Variants in DOCK7 observed in about 807,000 individuals in gnomAD.
The protein encoded by DOCK7 is dedicator of cytokinesis 7.
Under a neutral mutation model 271.0 loss-of-function variants are expected in DOCK7, and 138 were observed. The observed-to-expected ratio is 0.51, with a 90% confidence interval of 0.44 to 0.59. The LOEUF is 0.59. DOCK7 is among the 20% of genes least tolerant of loss of function. DOCK7 has a pLI of 0.00. For missense variants in DOCK7, 2,066 were observed against 2,592.4 expected (o/e 0.80, Z 4.41); for synonymous variants, 823 against 876.1 (o/e 0.94, Z 1.07).
intron 16 of DOCK7, among the ~76,000 whole-genome samples, chr1:62,579,695 G>GAAAAAAAAAA (rs34924913): frequency 1.6e-5 from 1 of 63,888 alleles, no homozygotes. Flanking sequence ...GAGTGAGACC[G>GAAAAAAAAAA]AAAAAAAAAA....
intron 14 of DOCK7, chr1:62,608,466 A>G (rs1335099623): frequency 6.6e-6 from 1 of 152,212 alleles, no homozygotes; most frequent in Non-Finnish European, 1.5e-5. Flanking sequence ...AGATATCTCA[A>G]TTCTTCCACA....
intron 34 of DOCK7, among the ~76,000 whole-genome samples, chr1:62,509,041 T>C (rs1470735307): frequency 6.6e-6 from 1 of 152,068 alleles, no homozygotes; most frequent in African/African-American, 2.4e-5. Context: ...ACTTCATTAA[T>C]TTACAGTTTA....
chr1:62,477,745 C>T lies in DOCK7; in HGVS notation c.5589G>A (p.Lys1863=), dbSNP rs1646007549. Reference sequence around the variant, plus strand: ...CTGCAAGTTTGGTTATTGCAGGCTCCTTGTAAACAAATTCTTGTTCATCCA... The same window carrying T: ...CTGCAAGTTTGGTTATTGCAGGCTCTTTGTAAACAAATTCTTGTTCATCCA... The part of the protein sequence containing the change: ...GDLDEQEFVY[K]EPAITKLAEI... The change falls in exon 44 of 50, where the codon AAG becomes AAA. Residue 1863 remains lysine, a synonymous_variant. Transcript: ENST00000635253. 6.2e-7 allele frequency: 1 copy of T among 1,610,680 alleles called. No homozygotes were observed. The highest frequency in any genetic ancestry group is 8.5e-7 in the Non-Finnish European group (1 of 1,179,072).
intron 18 of DOCK7, among the ~76,000 whole-genome samples, chr1:62,564,607 C>A (rs1027502562): frequency 1.3e-5 from 2 of 152,032 alleles, no homozygotes; most frequent in Admixed American, 6.6e-5. Flanking sequence ...CAGGAAAGAT[C>A]TAAAATTGAC....
At chr1:62,625,186 T>G in intron 12 of DOCK7, 73 bp downstream of exon 12, 2 of 1,511,516 alleles carry the variant, frequency 1.3e-6, no homozygotes, top group Non-Finnish European at 1.8e-6. Flanking sequence ...TATAGTACAA[T>G]CACTACCTTT....
At chr1:62,640,242 G>A (rs1043818163) in intron 7 of DOCK7, among the ~76,000 whole-genome samples, 4 of 152,174 alleles carry the variant, frequency 2.6e-5, no homozygotes, top group East Asian at 1.9e-4. Flanking sequence ...GGCTGGGCAC[G>A]GTGGCTCACT....
At chr1:62,662,578 T>C (rs752349628) in intron 2 of DOCK7, among the ~76,000 whole-genome samples, 4 of 152,032 alleles carry the variant, frequency 2.6e-5, no homozygotes, top group Non-Finnish European at 4.4e-5. Flanking sequence ...CTGGCCAATA[T>C]GGTAAAACCT....
chr1:62,630,867 G>A (rs888608428), intron 11 of DOCK7, among the ~76,000 whole-genome samples: 7 of 151,944 alleles, frequency 4.6e-5, no homozygotes, highest in African/African-American at 1.5e-4. Flanking sequence ...ACATTGCAGA[G>A]TCTACAAATG....
At chr1:62,634,512 T>A (rs889329184) in intron 9 of DOCK7, 3 of 243,928 alleles carry the variant, frequency 1.2e-5, no homozygotes, top group Non-Finnish European at 2.3e-5. Context: ...GATATGAAAA[T>A]GTATTTATAA....
At chr1:62,457,291 T>C (rs1431348421) in intron 49 of DOCK7, among the ~76,000 whole-genome samples, 1 of 152,208 alleles carries the variant, frequency 6.6e-6, no homozygotes, top group Non-Finnish European at 1.5e-5. Flanking sequence ...AATGTTCCAA[T>C]ATCAGAGACT....
chr1:62,606,185 C>A (rs1429597192), intron 14 of DOCK7: 2 of 151,748 alleles, frequency 1.3e-5, no homozygotes, highest in African/African-American at 4.8e-5. Context: ...ACTAAGCTGT[C>A]GAAATTAACG....
chr1:62,519,006 T>TACACACACACACACACACAC (rs61224578), intron 31 of DOCK7, among the ~76,000 whole-genome samples: 6 of 148,130 alleles, frequency 4.1e-5, no homozygotes, highest in African/African-American at 1.2e-4. Flanking sequence ...AGTCATGCTA[T>TACACACACACACACACACAC]ACACACACAC....
At chr1:62,595,625 A>T (rs576267730) in intron 14 of DOCK7, among the ~76,000 whole-genome samples, 2 of 152,308 alleles carry the variant, frequency 1.3e-5, no homozygotes, top group East Asian at 3.9e-4. Flanking sequence ...ATGAAGAGGC[A>T]TTTCTAAGAA....
intron 14 of DOCK7, among the ~76,000 whole-genome samples, chr1:62,592,943 C>T (rs1285821965): frequency 1.3e-5 from 2 of 152,112 alleles, no homozygotes; most frequent in Non-Finnish European, 2.9e-5. Context: ...ATTTTCTATA[C>T]ATACTGTTTA....
intron 35 of DOCK7, among the ~76,000 whole-genome samples, chr1:62,506,157 T>C (rs912346004): frequency 2.0e-5 from 3 of 152,038 alleles, no homozygotes; most frequent in South Asian, 4.1e-4. Flanking sequence ...GGCTGAAAAA[T>C]TGAGTGGTGC....
At chr1:62,625,433 CA>C (rs1291716315) in intron 11 of DOCK7, 32 bp from the exon 12 acceptor site, 27 of 1,563,852 alleles carry the variant, frequency 1.7e-5, no homozygotes, top group Non-Finnish European at 2.2e-5. Flanking sequence ...AATTCATTTT[CA>C]TAGAAGTTAA....
In DOCK7 at chr1:62,648,492, C is replaced by T; in HGVS notation, c.442G>A (p.Glu148Lys). The change falls in exon 5 of 50, where the codon GAA becomes AAA. Residue 148 changes from glutamate to lysine, a missense_variant. By Grantham distance (56) the Glu-to-Lys change is moderately conservative. Around this residue, in one of 2 missense-constraint regions of DOCK7, gnomAD observed 1,414 missense variants for 1,670.4 expected, o/e 0.85. Transcript: ENST00000635253. Reference sequence around the variant, plus strand: ...TGTTTTGGCAAACCTTTTTGCCTTTCTTTCTGTTTATCTAATGTATTGGGA... The same window carrying T: ...TGTTTTGGCAAACCTTTTTGCCTTTTTTTCTGTTTATCTAATGTATTGGGA... ...FNPNTLDKQK[E>K]RQKGLPKQVF... is the part of the protein sequence containing the mutation. 5.3e-6 allele frequency: 8 copies of T among 1,510,188 alleles called. No individual in the cohort carries two copies. The highest frequency in any genetic ancestry group is 7.1e-6 in the Non-Finnish European group (8 of 1,120,194). The allele number at this position is 1,510,188 out of a possible 1,614,324, so 93.5% of individuals were successfully genotyped here. A position where few individuals can be genotyped will look rare whatever the true frequency, so the allele number is the denominator to read the frequency against.
intron 44 of DOCK7, among the ~76,000 whole-genome samples, chr1:62,476,699 A>T (rs567316671): frequency 7.3e-4 from 111 of 152,324 alleles, no homozygotes; most frequent in African/African-American, 2.6e-3. Context: ...TGACTACTCC[A>T]TATGACACTG....
At chr1:62,607,100 A>C (rs1651109182) in intron 14 of DOCK7, among the ~76,000 whole-genome samples, 1 of 151,986 alleles carries the variant, frequency 6.6e-6, no homozygotes, top group Non-Finnish European at 1.5e-5. Context: ...CAGCTACTCA[A>C]GAGGCTGAGA....
Sources: gnomAD v4.1 joint callset for allele counts (sites outside exome capture counted in the v4.1 genomes callset) on GRCh38, gnomAD v4.1.1 for gene constraint, gnomAD v4.1.1 regional missense constraint, MANE v1.5 for transcripts, NCBI Gene and HGNC (gene_info 2026-07-23, HGNC 2026-07-21) for gene names.